Variants in PKHD1 observed in about 807,000 individuals in gnomAD.
PKHD1 encodes the protein fibrocystin.
In PKHD1, 291 loss-of-function variants were observed where a neutral mutation model predicts 412.0. The observed-to-expected ratio is 0.71, with a 90% CI of 0.64 to 0.78. The LOEUF (loss-of-function observed/expected upper bound fraction) is 0.78, where lower values mean the gene tolerates loss of function less well. Among genes scored for constraint, PKHD1 ranks in the 30% least tolerant of loss-of-function variants. PKHD1 has a pLI of 0.00. For missense variants in PKHD1, 4,825 were observed against 4,950.7 expected, an observed-to-expected ratio of 0.97 and a Z score of 0.76; for synonymous variants, 1,777 against 1,821.5, an observed-to-expected ratio of 0.98 and a Z score of 0.62.
At chr6:51,628,450 A>G (rs1218676477) in intron 65 of PKHD1, among the ~76,000 whole-genome samples, 1 of 152,168 alleles carries the variant, frequency 6.6e-6, no homozygotes, top group African/African-American at 2.4e-5. Context: ...GTATATATGT[A>G]TCACATTTCC....
chr6:51,890,364 T>C lies in PKHD1; in HGVS notation c.6997-3119A>G, dbSNP rs538814481. Reference sequence around the variant, plus strand: ...AAACAAGAGAGTACAAAGAAAAGTCTTGTCACCCGGTCACGGACAGAACAG... The same window carrying C: ...AAACAAGAGAGTACAAAGAAAAGTCCTGTCACCCGGTCACGGACAGAACAG... On this transcript the variant is annotated intron_variant, in intron 43 of 66. Coordinates refer to ENST00000371117, the MANE Select transcript of PKHD1 (RefSeq NM_138694.4). Among the ~76,000 whole-genome samples the C allele has an allele frequency of 1.3e-5, 2 of 151,974 alleles. 1 individual carries two copies. The highest frequency in any genetic ancestry group is 1.3e-4 in the Admixed American group (2 of 15,252).
rs55992586 is a variant in PKHD1, at chr6:52,059,259, C to CTTTTTTTTTTTTTTTTTT, written c.1233+651_1234-659dup. On this transcript the variant is annotated intron_variant, in intron 15 of 66. Transcript: ENST00000371117. ...CTTTCTTTTTTTTCTTTTTCTTTTT[C>CTTTTTTTTTTTTTTTTTT]TTTTTTTTTTTTTTTTTTTTTTTTG... 7.7e-4 allele frequency among the ~76,000 whole-genome samples: 64 copies of CTTTTTTTTTTTTTTTTTT among 83,524 alleles called. 4 individuals carry two copies. Among genetic ancestry groups the CTTTTTTTTTTTTTTTTTT allele is most frequent in the African/African-American group, 3.2e-3 (61 of 19,184 alleles). 54.8% of individuals were successfully genotyped at this position (83,524 alleles called of 152,430 possible). A position where few individuals can be genotyped will look rare whatever the true frequency, so the allele number is the denominator to read the frequency against.
intron 6 of PKHD1, among the ~76,000 whole-genome samples, chr6:52,074,277 G>A (rs140373604): frequency 6.6e-6 from 1 of 152,290 alleles, no homozygotes; most frequent in Non-Finnish European, 1.5e-5. Flanking sequence ...CTGCACTTGT[G>A]TGTTATTAGT....
At position 51,748,275 on chromosome 6, in the gene PKHD1, C is replaced by A. The variant is rs1785502208; in HGVS notation, c.9341G>T (p.Cys3114Phe). The A allele has an allele frequency of 1.2e-6, 2 of 1,613,930 alleles. No homozygotes were observed. The highest frequency in any genetic ancestry group is 8.5e-7 in the Non-Finnish European group (1 of 1,179,990). ...FHIRGHKCSS[C>F]ELLWSDNVAH... ...CACATTGTCAGACCAAAGCAGTTCA[C>A]AAGAGGAGCACTTGTGGCCTCGGAT... is the stretch of plus-strand genomic sequence containing the variant. The change falls in exon 58 of 67, where the codon TGT becomes TTT. Residue 3114 changes from cysteine to phenylalanine, a missense_variant. Transcript: ENST00000371117.
chr6:51,714,301 C>T (rs750602457), intron 60 of PKHD1, among the ~76,000 whole-genome samples: 10 of 152,034 alleles, frequency 6.6e-5, no homozygotes, highest in Non-Finnish European at 1.3e-4. Flanking sequence ...ACCCAGGAGG[C>T]GAAGGTTGCA....
chr6:51,665,959 G>T (rs1191339377), intron 60 of PKHD1, among the ~76,000 whole-genome samples: 4 of 152,048 alleles, frequency 2.6e-5, no homozygotes, highest in African/African-American at 9.7e-5. Flanking sequence ...GAGATTGAAG[G>T]CACTCTATCT....
chr6:51,636,617 C>T (rs1025196507), intron 64 of PKHD1, among the ~76,000 whole-genome samples: 1 of 152,016 alleles, frequency 6.6e-6, no homozygotes, highest in East Asian at 1.9e-4. Context: ...ACAACAATAA[C>T]ATAAAACAAT....
Position 51,616,885 on chromosome 6 carries a change from T to C in PKHD1, c.*2196A>G, listed in dbSNP as rs1025987846. Reference sequence around the variant, plus strand: ...AGCTAACTCTTTGTGAAGGGCGAAATAGAATGAAGAGTCATGACTGACTTC... The same window carrying C: ...AGCTAACTCTTTGTGAAGGGCGAAACAGAATGAAGAGTCATGACTGACTTC... On this transcript the variant is annotated 3_prime_UTR_variant, in exon 67 of 67. Coordinates refer to ENST00000371117, the MANE Select transcript of PKHD1 (RefSeq NM_138694.4). 1 of 386,850 alleles carries C rather than the reference T, an allele frequency of 2.6e-6. No individual in the cohort carries two copies. Among genetic ancestry groups the C allele is most frequent in the Non-Finnish European group, 4.6e-6 (1 of 219,058 alleles). The allele number at this position is 386,850 out of a possible 1,614,324, so 24.0% of individuals were successfully genotyped here. A position where few individuals can be genotyped will look rare whatever the true frequency, so the allele number is the denominator to read the frequency against.
chr6:51,622,977 C>A (rs1337725797), intron 66 of PKHD1: 1 of 151,990 alleles, frequency 6.6e-6, no homozygotes, highest in Admixed American at 6.6e-5. Context: ...GGGGCTATTT[C>A]CACTAATGTG....
intron 43 of PKHD1, among the ~76,000 whole-genome samples, chr6:51,903,208 G>A (rs1306643403): frequency 6.6e-6 from 1 of 152,098 alleles, no homozygotes; most frequent in Non-Finnish European, 1.5e-5. Context: ...CTTGTTTAAT[G>A]CAAAATTATA....
chr6:52,029,045 C>CA (rs1402139831), intron 29 of PKHD1, among the ~76,000 whole-genome samples: 1 of 152,168 alleles, frequency 6.6e-6, no homozygotes, highest in Non-Finnish European at 1.5e-5. Context: ...CTGAACCTTA[C>CA]AGTAATGCTG....
intron 28 of PKHD1, among the ~76,000 whole-genome samples, chr6:52,034,873 G>A (rs992284950): frequency 6.6e-6 from 1 of 152,206 alleles, no homozygotes; most frequent in Non-Finnish European, 1.5e-5. Context: ...TGTAGGACTA[G>A]TGATCAAAGA....
At chr6:51,840,694 T>G (rs1165538622) in intron 50 of PKHD1, among the ~76,000 whole-genome samples, 2 of 152,172 alleles carry the variant, frequency 1.3e-5, no homozygotes, top group Non-Finnish European at 2.9e-5. Context: ...TAAACAAATT[T>G]TCTCATACTA....
intron 31 of PKHD1, among the ~76,000 whole-genome samples, 200 bp downstream of exon 31, chr6:52,027,629 C>A (rs753822998): frequency 6.6e-6 from 1 of 151,500 alleles, no homozygotes; most frequent in South Asian, 2.1e-4. Context: ...CATAAAAATT[C>A]CTTAATTTCC....
intron 49 of PKHD1, among the ~76,000 whole-genome samples, chr6:51,848,226 TAAC>T (rs375218441): frequency 8.1e-4 from 124 of 152,314 alleles, no homozygotes; most frequent in Middle Eastern, 6.8e-3. Flanking sequence ...TCATCTCGTT[TAAC>T]AATCTCAATT....
At position 51,748,137 on chromosome 6, in the gene PKHD1, T is replaced by A. The variant is rs775383136; in HGVS notation, c.9479A>T (p.His3160Leu). 11 of 1,613,976 alleles carry A rather than the reference T, an allele frequency of 6.8e-6. No individual in the cohort carries two copies. Among genetic ancestry groups the A allele is most frequent in the African/African-American group, 1.3e-5 (1 of 74,924 alleles). ...CTCTATCTCCACGCTGTTCTCTACA[T>A]GTAACATGGCACCATAGTCAAAGTT... The part of the protein sequence containing the change: ...FKNFDYGAML[H>L]VENSVEIENI... Residue 3160 changes from histidine (H) to leucine (L), a missense_variant, in exon 58 of 67, where the codon CAT becomes CTT. Coordinates refer to ENST00000371117, the MANE Select transcript of PKHD1 (RefSeq NM_138694.4).
chr6:51,981,355 C>T (rs1348510216), intron 35 of PKHD1, among the ~76,000 whole-genome samples: 1 of 98,646 alleles, frequency 1.0e-5, no homozygotes, highest in African/African-American at 3.2e-5. Flanking sequence ...CCCTCTCCCT[C>T]TCCCTCTCCC....
intron 60 of PKHD1, among the ~76,000 whole-genome samples, chr6:51,666,205 G>T (rs1047420089): frequency 6.6e-6 from 1 of 152,038 alleles, no homozygotes; most frequent in East Asian, 1.9e-4. Context: ...TCAAAATTTG[G>T]AGTGGGAATG....
intron 55 of PKHD1, among the ~76,000 whole-genome samples, chr6:51,764,864 A>G (rs1429864076): frequency 7.2e-5 from 11 of 151,784 alleles, no homozygotes; most frequent in African/African-American, 2.4e-5. Flanking sequence ...CTGCTTCTCA[A>G]TCACCTGTGT....
Sources: gnomAD v4.1 joint callset for allele counts (sites outside exome capture counted in the v4.1 genomes callset) on GRCh38, gnomAD v4.1.1 for gene constraint, MANE v1.5 for transcripts, NCBI Gene and HGNC (gene_info 2026-07-23, HGNC 2026-07-21) for gene names.